The following ELFN1 variants were observed in gnomAD, a reference collection of about 807,000 sequenced individuals.
ELFN1 encodes protein ELFN1.
In ELFN1, 6 loss-of-function variants were observed where a neutral mutation model predicts 7.6. The observed-to-expected ratio is 0.79, with a 90% CI of 0.43 to 1.56. The LOEUF (loss-of-function observed/expected upper bound fraction) is 1.56. Among genes scored for constraint, ELFN1 ranks in the 40% most tolerant of loss-of-function variants. ELFN1 has a pLI of 0.01. For missense variants in ELFN1, 1,169 were observed against 1,232.2 expected, an observed-to-expected ratio of 0.95 and a Z score of 0.77; for synonymous variants, 657 against 588.1, an observed-to-expected ratio of 1.12 and a Z score of -1.70.
At chr7:1,693,206 C>T (rs1779210808) in intron 2 of ELFN1, 5 of 397,800 alleles carry the variant, frequency 1.3e-5, no homozygotes, top group Admixed American at 2.7e-5. Flanking sequence ...CAGTGCAGGC[C>T]CTGGAGATGT....
At position 1,746,756 on chromosome 7, in the gene ELFN1, GCCA is replaced by G; in HGVS notation, c.2163_2165del (p.Pro726del). 1 of 1,501,620 alleles carries G rather than the reference GCCA, an allele frequency of 6.7e-7. No homozygotes were observed. Among genetic ancestry groups the G allele is most frequent in the Non-Finnish European group, 8.8e-7 (1 of 1,132,074 alleles). 93.0% of individuals were successfully genotyped at this position (1,501,620 alleles called of 1,614,324 possible). A position where few individuals can be genotyped will look rare whatever the true frequency, so the allele number is the denominator to read the frequency against. ...CGGCCGAGCCACCTGCGCCCCCCGGGCCACCGCCGCCGCCTCCGCACGAGGGCC... is the reference window on the plus strand; with the variant it reads ...CGGCCGAGCCACCTGCGCCCCCCGGGCCGCCGCCGCCTCCGCACGAGGGCC... On this transcript the variant is annotated inframe_deletion, in exon 4 of 4. Coordinates refer to ENST00000424383, the MANE Select transcript of ELFN1 (RefSeq NM_001128636.4).
At chr7:1,712,088 C>A (rs1779672834) in intron 3 of ELFN1, among the ~76,000 whole-genome samples, 1 of 152,244 alleles carries the variant, frequency 6.6e-6, no homozygotes. Flanking sequence ...CTTGAGATGC[C>A]TGGCAGCAGC....
upstream of ELFN1, among the ~76,000 whole-genome samples, chr7:1,667,063 C>T (rs1778682403): frequency 6.6e-6 from 1 of 151,884 alleles, no homozygotes; most frequent in South Asian, 2.1e-4. The surrounding 1 kb of genome is among the most constrained non-coding windows in gnomAD (Gnocchi z 8.2). Context: ...GTCCCTCTTC[C>T]GCCGCTCTTC....
chr7:1,689,938 T>C (rs968855546), intron 2 of ELFN1, among the ~76,000 whole-genome samples: 6 of 152,180 alleles, frequency 3.9e-5, no homozygotes, highest in African/African-American at 1.4e-4. Flanking sequence ...CCTTGAGCCC[T>C]CTGGACACCT....
At chr7:1,725,829 A>G (rs908745834) in intron 3 of ELFN1, among the ~76,000 whole-genome samples, 1 of 152,132 alleles carries the variant, frequency 6.6e-6, no homozygotes, top group African/African-American at 2.4e-5. Context: ...AGTCACACTC[A>G]GACACACATA....
intron 2 of ELFN1, among the ~76,000 whole-genome samples, chr7:1,704,925 G>A (rs1382632959): frequency 3.3e-5 from 5 of 152,278 alleles, no homozygotes; most frequent in Admixed American, 2.6e-4. Context: ...GAAGGCAGCC[G>A]TGCGTGTCCC....
chr7:1,693,797 G>C (rs568722434), intron 2 of ELFN1: 1 of 470,270 alleles, frequency 2.1e-6, no homozygotes, highest in South Asian at 1.5e-5. Flanking sequence ...CGGGGTGCGG[G>C]ACACGTGGGA....
At position 1,699,185 on chromosome 7, in the gene ELFN1, C is replaced by T. The variant is rs535026720; in HGVS notation, c.-455-9906C>T. On this transcript the variant is annotated intron_variant, in intron 2 of 3. Coordinates refer to ENST00000424383, the MANE Select transcript of ELFN1 (RefSeq NM_001128636.4). ...GTACCTCAGTTGATGTATCCCTTCT[C>T]TGCTGATGGCCTTTCAGGTTGTTTC... 4.6e-5 allele frequency among the ~76,000 whole-genome samples: 7 copies of T among 152,346 alleles called. No homozygotes were observed. In the South Asian group the frequency reaches 1.2e-3, roughly 27 times the overall value.
rs1779512916 is a variant in ELFN1 at position 1,705,498 on chromosome 7, C to T, written c.-455-3593C>T. The stretch of plus-strand genomic sequence containing the variant: ...AGGGGAGTGAGTCCAGCGTGGCAGC[C>T]GCCACTGCCTGCCCGAGGGCACTGC... On this transcript the variant is annotated intron_variant, in intron 2 of 3. Coordinates refer to ENST00000424383, the MANE Select transcript of ELFN1 (RefSeq NM_001128636.4). This position sits in a 1 kb window ranked among gnomAD's most constrained non-coding sequence, Gnocchi z 4.3. 6.6e-6 allele frequency among the ~76,000 whole-genome samples: 1 copy of T among 152,310 alleles called. No individual in the cohort carries two copies. The highest frequency in any genetic ancestry group is 2.4e-5 in the African/African-American group (1 of 41,578).
chr7:1,669,822 G>A (rs556786890), upstream of ELFN1, among the ~76,000 whole-genome samples: 1 of 152,222 alleles, frequency 6.6e-6, no homozygotes, highest in African/African-American at 2.4e-5. Context: ...GGTGGTGGGA[G>A]TCGCGGGTAG....
In ELFN1 at chr7:1,705,231, G is replaced by A. The variant is rs1225886898; in HGVS notation, c.-455-3860G>A. Among the ~76,000 whole-genome samples, 1 of 152,142 alleles carries A rather than the reference G, an allele frequency of 6.6e-6. No individual in the cohort carries two copies. Among genetic ancestry groups the A allele is most frequent in the African/African-American group, 2.4e-5 (1 of 41,430 alleles). ...TGGGCGGGGCGGCACAGCTGTGCGGGAGGCTGGGCTGCTGGCATCAGCAGG... is the reference window on the plus strand; with the variant it reads ...TGGGCGGGGCGGCACAGCTGTGCGGAAGGCTGGGCTGCTGGCATCAGCAGG... On this transcript the variant is annotated intron_variant, in intron 2 of 3. Coordinates refer to ENST00000424383, the MANE Select transcript of ELFN1 (RefSeq NM_001128636.4). The surrounding 1 kb of genome is among the most constrained non-coding windows in gnomAD (Gnocchi z 4.3).
intron 1 of ELFN1, among the ~76,000 whole-genome samples, chr7:1,681,695 G>A (rs1400260752): frequency 6.6e-6 from 1 of 152,172 alleles, no homozygotes; most frequent in African/African-American, 2.4e-5. Context: ...CAAACTGGCC[G>A]GACCATGTTA....
intron 1 of ELFN1, among the ~76,000 whole-genome samples, chr7:1,679,450 C>T (rs377161930): frequency 6.6e-6 from 1 of 152,176 alleles, no homozygotes; most frequent in African/African-American, 2.4e-5. Flanking sequence ...AGGACAGTCC[C>T]GGGGCCTGCT....
At chr7:1,718,079 G>A (rs2128591182) in intron 3 of ELFN1, among the ~76,000 whole-genome samples, 1 of 152,312 alleles carries the variant, frequency 6.6e-6, no homozygotes, top group African/African-American at 2.4e-5. Flanking sequence ...CAGTTTCCAT[G>A]TCTGGAACCA....
Position 1,746,518 on chromosome 7 carries a change from C to T in ELFN1, c.1922C>T (p.Ser641Leu), listed in dbSNP as rs760193028. ...EAAGPPRAST[S>L]SSGSVRSPRA... ...GCCGGGCCCCCTCGTGCCAGCACCTCGTCCAGCGGCTCCGTGCGCAGCCCC... is the reference window on the plus strand; with the variant it reads ...GCCGGGCCCCCTCGTGCCAGCACCTTGTCCAGCGGCTCCGTGCGCAGCCCC... The change falls in exon 4 of 4, where the codon TCG (serine) becomes TTG (leucine). Residue 641 changes from serine (S) to leucine (L), a missense_variant. By Grantham distance (145) the Ser-to-Leu change is moderately radical. This residue lies in a region of ELFN1 where 914 missense variants were observed against 872.6 expected (regional missense o/e 1.05). Coordinates refer to ENST00000424383, the MANE Select transcript of ELFN1 (RefSeq NM_001128636.4). 14 of 1,463,580 alleles carry T rather than the reference C, an allele frequency of 9.6e-6. No homozygotes were observed. Among genetic ancestry groups the T allele is most frequent in the South Asian group, 1.4e-5 (1 of 73,530 alleles). The allele number at this position is 1,463,580 out of a possible 1,614,324, so 90.7% of individuals were successfully genotyped here.
In ELFN1 at chr7:1,746,396, G is replaced by A. The variant is rs1255059272; in HGVS notation, c.1800G>A (p.Leu600=). 1 of 1,535,578 alleles carries A rather than the reference G, an allele frequency of 6.5e-7. No individual in the cohort carries two copies. Among genetic ancestry groups the A allele is most frequent in the Non-Finnish European group, 8.8e-7 (1 of 1,142,440 alleles). ...CCGTCGCGGAGCCGCCGCTGGTGCT[G>A]CTGTCCGAGCCGCTGGCCGCCAAGC... ...PVSVAEPPLV[L]LSEPLAAKHG... The change falls in exon 4 of 4, where the codon CTG becomes CTA. Residue 600 remains leucine, a synonymous_variant. Transcript: ENST00000424383.
intron 3 of ELFN1, among the ~76,000 whole-genome samples, chr7:1,741,221 G>A (rs775849767): frequency 3.9e-5 from 6 of 152,136 alleles, no homozygotes; most frequent in Non-Finnish European, 8.8e-5. Flanking sequence ...CTCCTAAGGG[G>A]CTGTGGGCCC....
chr7:1,676,093 G>T (rs1778864698), intron 1 of ELFN1, among the ~76,000 whole-genome samples: 1 of 152,190 alleles, frequency 6.6e-6, no homozygotes, highest in Non-Finnish European at 1.5e-5. Context: ...GGTGGCAGCT[G>T]GTTCCTAGAC....
In ELFN1 at chr7:1,746,965, A is replaced by G. The variant is rs1780821186; in HGVS notation, c.2369A>G (p.Glu790Gly). The G allele has an allele frequency of 1.3e-6, 2 of 1,554,394 alleles. No homozygotes were observed. Among genetic ancestry groups the G allele is most frequent in the Non-Finnish European group, 1.7e-6 (2 of 1,149,720 alleles). The change falls in exon 4 of 4, where the codon GAA becomes GGA. Residue 790 changes from glutamate (E) to glycine (G), a missense_variant. Glu to Gly is a moderately conservative substitution (Grantham distance 98). Transcript: ENST00000424383. ...CTGAGCCGCCGGCGGCACAAGGAGG[A>G]AGAGGAGTTCATGGCCGCGGGCCAT... Reference protein sequence around the residue: ...FRLSRRRHKEEEEFMAAGHAL... With the variant: ...FRLSRRRHKEGEEFMAAGHAL...
Sources: gnomAD v4.1 joint callset for allele counts (sites outside exome capture counted in the v4.1 genomes callset) on GRCh38, gnomAD v4.1.1 for gene constraint, gnomAD v4.1.1 regional missense constraint, Gnocchi (gnomAD v3.1) non-coding constraint, MANE v1.5 for transcripts, NCBI Gene and HGNC (gene_info 2026-07-23, HGNC 2026-07-21) for gene names.